PRKAR1B: variants seen among roughly 807,000 people sequenced by gnomAD.
The protein encoded by PRKAR1B is cAMP-dependent protein kinase type I-beta regulatory subunit.
In PRKAR1B, 22 loss-of-function variants were observed where a neutral mutation model predicts 46.5. The ratio of observed to expected loss-of-function variants is 0.47; its 90% CI spans 0.34 to 0.68. The LOEUF is 0.68. PRKAR1B is among the 30% of genes least tolerant of loss of function. The pLI is 0.01. For synonymous variants in PRKAR1B, 259 were observed against 217.7 expected, an observed-to-expected ratio of 1.19 and a Z score of -1.67; for missense variants, 445 against 535.6, an observed-to-expected ratio of 0.83 and a Z score of 1.67.
intron 4 of PRKAR1B, among the ~76,000 whole-genome samples, chr7:621,723 A>T (rs1783117088): frequency 6.6e-6 from 1 of 152,240 alleles, no homozygotes; most frequent in African/African-American, 2.4e-5. Context: ...GTGTGGTACA[A>T]GTCCCAACCT....
At chr7:719,201 G>A (rs529946906) in intron 1 of PRKAR1B, among the ~76,000 whole-genome samples, 7 of 151,768 alleles carry the variant, frequency 4.6e-5, no homozygotes, top group South Asian at 2.1e-4. Context: ...CACCACACCC[G>A]ACTAATTTTT....
intron 4 of PRKAR1B, among the ~76,000 whole-genome samples, chr7:670,530 C>A (rs1190441133): frequency 6.8e-6 from 1 of 147,354 alleles, no homozygotes; most frequent in Admixed American, 6.6e-5. Flanking sequence ...CTCTGAGCTC[C>A]CCGACGCCAC....
intron 9 of PRKAR1B, chr7:579,002 C>G: frequency 7.5e-7 from 1 of 1,338,300 alleles, no homozygotes; most frequent in South Asian, 1.5e-5. Context: ...AGTTTTATCA[C>G]ACGTGCAGCT....
intron 9 of PRKAR1B, among the ~76,000 whole-genome samples, chr7:576,260 A>C (rs1266466701): frequency 6.6e-6 from 1 of 151,252 alleles, no homozygotes; most frequent in Non-Finnish European, 1.5e-5. Context: ...CGCTGGAATC[A>C]CGGCTGGGGT....
intron 4 of PRKAR1B, among the ~76,000 whole-genome samples, chr7:630,813 C>CCACCATCTCCAGGGAG (rs1018330716): frequency 6.6e-6 from 1 of 152,184 alleles, no homozygotes; most frequent in Admixed American, 6.5e-5. Flanking sequence ...CACACCCCCC[C>CCACCATCTCCAGGGAG]CACCATCTCC....
intron 9 of PRKAR1B, among the ~76,000 whole-genome samples, chr7:571,063 G>A (rs1779481765): frequency 6.6e-6 from 1 of 152,230 alleles, no homozygotes; most frequent in South Asian, 2.1e-4. Context: ...GTATGGCTTA[G>A]GCCCCTGTGG....
chr7:686,812 T>G (rs1245393593), intron 2 of PRKAR1B, among the ~76,000 whole-genome samples: 1 of 151,908 alleles, frequency 6.6e-6, no homozygotes, highest in East Asian at 1.9e-4. Flanking sequence ...CCACAAGAAG[T>G]GTCTACAACA....
chr7:606,261 A>T (rs761748793), intron 5 of PRKAR1B, 22 bp from the exon 6 acceptor site: 1 of 1,610,736 alleles, frequency 6.2e-7, no homozygotes, highest in African/African-American at 1.3e-5. Flanking sequence ...GAAGAAAGTC[A>T]ACAGATACAA....
In PRKAR1B at chr7:551,465, G is replaced by C; in HGVS notation, c.897C>G (p.Thr299=). The C allele has an allele frequency of 6.4e-7, 1 of 1,553,768 alleles. No homozygotes were observed. Among genetic ancestry groups the C allele is most frequent in the Non-Finnish European group, 8.7e-7 (1 of 1,148,410 alleles). Residue 299 remains threonine (T), a synonymous_variant, in exon 10 of 11, where the codon ACC becomes ACG. Transcript: ENST00000537384. ...GDDFYIITEG[T]ASVLQRRSPN... The stretch of plus-strand genomic sequence containing the variant: ...GGGACCGGCGCTGCAGCACGGACGC[G>C]GTGCCCTGTGGGTGGAGGTGGACAG...
chr7:575,430 G>A (rs1172552510), intron 9 of PRKAR1B, among the ~76,000 whole-genome samples: 2 of 152,214 alleles, frequency 1.3e-5, no homozygotes, highest in African/African-American at 4.8e-5. Flanking sequence ...TCATTCCACT[G>A]CATTCTGTCT....
intron 9 of PRKAR1B, among the ~76,000 whole-genome samples, chr7:556,380 C>G (rs1364497019): frequency 6.7e-6 from 1 of 150,092 alleles, no homozygotes; most frequent in Admixed American, 6.7e-5. Flanking sequence ...TCCACTGCGA[C>G]GTGGGTTTGC....
intron 4 of PRKAR1B, among the ~76,000 whole-genome samples, chr7:658,863 C>A (rs1785348929): frequency 6.6e-6 from 1 of 152,116 alleles, no homozygotes; most frequent in Admixed American, 6.5e-5. Flanking sequence ...GTTGGACAGG[C>A]TGGTCTCAAA....
chr7:585,620 T>C (rs1415292529), intron 7 of PRKAR1B, among the ~76,000 whole-genome samples: 1 of 152,022 alleles, frequency 6.6e-6, no homozygotes, highest in Non-Finnish European at 1.5e-5. Flanking sequence ...AGGAGGGAAC[T>C]TGCTGTGTTG....
intron 4 of PRKAR1B, among the ~76,000 whole-genome samples, chr7:655,823 A>G (rs28617446): frequency 0.11 from 16,553 of 152,200 alleles, 1,001 homozygotes; most frequent in South Asian, 0.26. Context: ...AGCATGCCCC[A>G]AGTGAGTCTC....
intron 2 of PRKAR1B, among the ~76,000 whole-genome samples, chr7:699,056 G>T (rs537256500): frequency 6.6e-6 from 1 of 152,296 alleles, no homozygotes; most frequent in South Asian, 2.1e-4. Flanking sequence ...GAAGCAGAAG[G>T]GGGGGTTCCA....
At chr7:703,141 A>G (rs1780149299) in intron 2 of PRKAR1B, among the ~76,000 whole-genome samples, 1 of 152,238 alleles carries the variant, frequency 6.6e-6, no homozygotes, top group Non-Finnish European at 1.5e-5. Context: ...CAGAACAATG[A>G]AAATTACCAG....
rs62432175 is a variant in PRKAR1B at position 657,266 on chromosome 7, C to T, written c.440+19963G>A. ...ATGAATGGATGGATGAATGGACGGA[C>T]GGATGGATGGATGGATGGATGGATG... On this transcript the variant is annotated intron_variant, in intron 4 of 10. Transcript: ENST00000537384. 6.4e-3 allele frequency among the ~76,000 whole-genome samples: 626 copies of T among 98,380 alleles called. 1 individual carries two copies. Among genetic ancestry groups the T allele is most frequent in the South Asian group, 0.019 (44 of 2,368 alleles). The allele number at this position is 98,380 out of a possible 152,430, so 64.5% of individuals were successfully genotyped here.
chr7:634,671 G>A (rs1248513270), intron 4 of PRKAR1B, among the ~76,000 whole-genome samples: 1 of 150,224 alleles, frequency 6.7e-6, no homozygotes. Flanking sequence ...GTGGAGTCTC[G>A]CTCTTTCACC....
intron 4 of PRKAR1B, among the ~76,000 whole-genome samples, chr7:630,242 C>A (rs909533514): frequency 6.6e-6 from 1 of 152,198 alleles, no homozygotes; most frequent in Admixed American, 6.5e-5. Context: ...GCGAAGGTGA[C>A]CGTGGCTCCT....
Sources: gnomAD v4.1 joint callset for allele counts (sites outside exome capture counted in the v4.1 genomes callset) on GRCh38, gnomAD v4.1.1 for gene constraint, MANE v1.5 for transcripts, NCBI Gene and HGNC (gene_info 2026-07-23, HGNC 2026-07-21) for gene names.